Variants in MAF observed in about 807,000 individuals in gnomAD.
The protein encoded by MAF is MAF bZIP transcription factor.
A neutral mutation model predicts 22.0 loss-of-function variants in MAF; 10 were observed. The observed-to-expected ratio is 0.45, with a 90% CI of 0.28 to 0.77. The LOEUF (loss-of-function observed/expected upper bound fraction) is 0.77, where lower values mean the gene tolerates loss of function less well. Among genes scored for constraint, MAF ranks in the 30% least tolerant of loss-of-function variants. The pLI is 0.12. For synonymous variants in MAF, 337 were observed against 255.8 expected, an observed-to-expected ratio of 1.32 and a Z score of -3.03; for missense variants, 544 against 548.4, an observed-to-expected ratio of 0.99 and a Z score of 0.08.
At chr16:79,212,769 TAAAGCGCTTCTCGTAG>T in the MAF span, 2 of 152,218 alleles carry the variant, frequency 1.3e-5, no homozygotes, top group Non-Finnish European at 2.9e-5. Context: ...GCGCTTCTAA[TAAAGCGCTTCTCGTAG>T]ATGCCAGGAA....
chr16:79,203,694 A>G, the MAF span: 2 of 152,152 alleles, frequency 1.3e-5, no homozygotes, highest in Non-Finnish European at 2.9e-5. Context: ...GACTTCGTAG[A>G]GCCATTCTGT....
the MAF span, among the ~76,000 whole-genome samples, chr16:79,250,429 T>C: frequency 5.3e-5 from 8 of 152,362 alleles, no homozygotes; most frequent in East Asian, 1.5e-3. Flanking sequence ...TCATCTCACC[T>C]TTTTGGCACT....
chr16:79,387,062 C>G, the MAF span, among the ~76,000 whole-genome samples: 1 of 152,188 alleles, frequency 6.6e-6, no homozygotes, highest in African/African-American at 2.4e-5. Flanking sequence ...AAAAGTCACA[C>G]CATCATACCT....
chr16:79,530,964 G>T, the MAF span, among the ~76,000 whole-genome samples: 2 of 152,200 alleles, frequency 1.3e-5, no homozygotes, highest in Non-Finnish European at 1.5e-5. Flanking sequence ...GGCCCAAAGG[G>T]AAGGAAACCA....
At chr16:79,287,346 T>G in the MAF span, among the ~76,000 whole-genome samples, 1 of 152,228 alleles carries the variant, frequency 6.6e-6, no homozygotes, top group Non-Finnish European at 1.5e-5. Context: ...GCCCTCGGCC[T>G]TGAGAGGGTC....
chr16:79,597,428 G>T, intron 1 of MAF: 1 of 1,029,558 alleles, frequency 9.7e-7, no homozygotes, highest in Non-Finnish European at 1.2e-6. Context: ...ATAAATTTTA[G>T]ACTGCTTCTC....
chr16:79,415,914 T>A, the MAF span, among the ~76,000 whole-genome samples: 1 of 151,984 alleles, frequency 6.6e-6, no homozygotes, highest in Non-Finnish European at 1.5e-5. Context: ...CATCCCTTGG[T>A]GTATTGTATT....
At chr16:79,216,127 CTGTATA>C in the MAF span, among the ~76,000 whole-genome samples, 88 of 151,334 alleles carry the variant, frequency 5.8e-4, no homozygotes, top group East Asian at 7.7e-4. Flanking sequence ...ATGTGCACAT[CTGTATA>C]TGTATATGTC....
the MAF span, among the ~76,000 whole-genome samples, chr16:79,321,199 A>G: frequency 6.6e-6 from 1 of 152,210 alleles, no homozygotes; most frequent in Non-Finnish European, 1.5e-5. Flanking sequence ...TCCACCAGGG[A>G]AATTCCACAG....
the MAF span, among the ~76,000 whole-genome samples, chr16:79,422,065 A>G: frequency 6.6e-6 from 1 of 152,222 alleles, no homozygotes; most frequent in African/African-American, 2.4e-5. Flanking sequence ...GGTGTGAGCC[A>G]CCACGCCCAG....
chr16:79,557,159 C>T, the MAF span, among the ~76,000 whole-genome samples: 5 of 125,428 alleles, frequency 4.0e-5, no homozygotes, highest in South Asian at 1.1e-3. Flanking sequence ...CAGACTTCAG[C>T]AAGTGTAGTT....
At chr16:79,214,476 G>C in the MAF span, among the ~76,000 whole-genome samples, 1 of 152,146 alleles carries the variant, frequency 6.6e-6, no homozygotes, top group African/African-American at 2.4e-5. Flanking sequence ...CATGATCTCA[G>C]CTCACTGCAA....
chr16:79,254,316 G>A, the MAF span, among the ~76,000 whole-genome samples: 14 of 151,912 alleles, frequency 9.2e-5, no homozygotes, highest in East Asian at 1.9e-4. Context: ...TATTTAACAC[G>A]GTAGCATCAA....
the MAF span, among the ~76,000 whole-genome samples, chr16:79,538,038 T>C: frequency 1.3e-5 from 2 of 152,148 alleles, no homozygotes; most frequent in Admixed American, 1.3e-4. Flanking sequence ...GGCTGCAGAG[T>C]GCAGAGTGTG....
the MAF span, among the ~76,000 whole-genome samples, chr16:79,285,246 TA>T: frequency 3.3e-5 from 5 of 152,044 alleles, no homozygotes; most frequent in South Asian, 2.1e-4. Context: ...AAATATCTAT[TA>T]AAAAAATATT....
the MAF span, among the ~76,000 whole-genome samples, chr16:79,471,092 C>T: frequency 6.6e-6 from 1 of 152,146 alleles, no homozygotes; most frequent in Non-Finnish European, 1.5e-5. Context: ...CTTTTAGGTA[C>T]ACATTTGCTG....
chr16:79,208,627 T>C, the MAF span, among the ~76,000 whole-genome samples: 1 of 92,272 alleles, frequency 1.1e-5, no homozygotes, highest in Non-Finnish European at 2.4e-5. Flanking sequence ...AAAGTGCTCT[T>C]TAAATTTTTT....
chr16:79,289,743 T>G, the MAF span, among the ~76,000 whole-genome samples: 372 of 151,956 alleles, frequency 2.4e-3, 2 homozygotes, highest in Middle Eastern at 0.014. Flanking sequence ...GTGTCACAAC[T>G]CATGAGAAAA....
chr16:79,546,725 C>G, the MAF span, among the ~76,000 whole-genome samples: 1 of 152,012 alleles, frequency 6.6e-6, no homozygotes, highest in South Asian at 2.1e-4. Flanking sequence ...CAGTTTCCGC[C>G]TCTATAAATG....
Sources: gnomAD v4.1 joint callset for allele counts (sites outside exome capture counted in the v4.1 genomes callset) on GRCh38, gnomAD v4.1.1 for gene constraint, MANE v1.5 for transcripts, NCBI Gene and HGNC (gene_info 2026-07-23, HGNC 2026-07-21) for gene names.